The following FGD3 variants were observed in gnomAD, a reference collection of about 807,000 sequenced individuals.
FGD3 encodes FYVE, RhoGEF and PH domain-containing protein 3.
FGD3 carries 45 observed loss-of-function variants against 71.8 expected under a neutral mutation model. That is an observed-to-expected ratio of 0.63 (90% CI 0.49 to 0.80). FGD3 has a LOEUF of 0.80. Among genes scored for constraint, FGD3 ranks in the 30% least tolerant of loss-of-function variants. The pLI, the probability that FGD3 is intolerant of heterozygous loss-of-function variation, is 0.00. For missense variants in FGD3, 844 were observed against 951.5 expected, an observed-to-expected ratio of 0.89 and a Z score of 1.49; for synonymous variants, 378 against 392.8, an observed-to-expected ratio of 0.96 and a Z score of 0.44.
At chr9:92,958,570 G>C (rs1859108210) in intron 1 of FGD3, among the ~76,000 whole-genome samples, 1 of 152,212 alleles carries the variant, frequency 6.6e-6, no homozygotes, top group African/African-American at 2.4e-5. Flanking sequence ...TTTTCAGGTT[G>C]AAGAAGTTGT....
chr9:92,989,903 T>C (rs2118641404), intron 3 of FGD3, among the ~76,000 whole-genome samples: 1 of 150,088 alleles, frequency 6.7e-6, no homozygotes, highest in East Asian at 2.0e-4. Flanking sequence ...TTTTTTTCCT[T>C]TCACACCTTG....
chr9:93,019,780 T>C (rs1861843552), intron 11 of FGD3, 51 bp from the exon 12 acceptor site: 1 of 1,572,468 alleles, frequency 6.4e-7, no homozygotes, highest in Non-Finnish European at 8.8e-7. Context: ...GCTGGTCATT[T>C]AGAGTCAGTA....
intron 15 of FGD3, among the ~76,000 whole-genome samples, chr9:93,031,533 C>T (rs978456129): frequency 3.9e-5 from 6 of 152,112 alleles, no homozygotes; most frequent in Admixed American, 6.5e-5. Context: ...CTTCCTCACA[C>T]AAGAAGTGAT....
intron 1 of FGD3, among the ~76,000 whole-genome samples, chr9:92,956,531 T>A (rs575259808): frequency 2.0e-5 from 3 of 152,274 alleles, no homozygotes; most frequent in Admixed American, 2.0e-4. Context: ...GACAACCACG[T>A]GAGGACACAA....
chr9:92,960,902 C>G (rs1036834100), intron 1 of FGD3, among the ~76,000 whole-genome samples: 1 of 151,776 alleles, frequency 6.6e-6, no homozygotes, highest in Non-Finnish European at 1.5e-5. Flanking sequence ...GGTGGGTGGG[C>G]CCTCCACCCA....
At chr9:93,017,264 C>T (rs547794347) in intron 10 of FGD3, among the ~76,000 whole-genome samples, 5 of 152,016 alleles carry the variant, frequency 3.3e-5, no homozygotes, top group Middle Eastern at 3.4e-3. Context: ...AGGACAAGAC[C>T]CTGTCTCAAA....
At chr9:93,007,625 A>C (rs1336312756) in intron 6 of FGD3, among the ~76,000 whole-genome samples, 1 of 152,150 alleles carries the variant, frequency 6.6e-6, no homozygotes, top group Non-Finnish European at 1.5e-5. Context: ...CATGTCCTGG[A>C]TGACATCTGC....
At chr9:92,981,064 T>C (rs1302408023) in intron 3 of FGD3, among the ~76,000 whole-genome samples, 1 of 151,310 alleles carries the variant, frequency 6.6e-6, no homozygotes, top group African/African-American at 2.4e-5. Flanking sequence ...TTTCATTCCA[T>C]TGTGATTGAA....
intron 2 of FGD3, 38 bp from the exon 3 acceptor site, chr9:92,976,170 C>T: frequency 7.8e-7 from 1 of 1,287,340 alleles, no homozygotes; most frequent in Non-Finnish European, 1.1e-6. Context: ...TGGTCCATGC[C>T]TGGCTAGCAC....
chr9:92,989,369 G>T (rs934511027), intron 3 of FGD3, among the ~76,000 whole-genome samples: 1 of 151,916 alleles, frequency 6.6e-6, no homozygotes, highest in South Asian at 2.1e-4. Flanking sequence ...CTCTTCATCC[G>T]CCCACCTTGG....
At chr9:92,962,939 CAAAAAAA>C (rs982916623) in intron 1 of FGD3, among the ~76,000 whole-genome samples, 1 of 106,028 alleles carries the variant, frequency 9.4e-6, no homozygotes, top group Non-Finnish European at 2.0e-5. Context: ...GGCTCCGTCT[CAAAAAAA>C]AAAAAAAAAA....
intron 3 of FGD3, among the ~76,000 whole-genome samples, chr9:92,995,451 T>C (rs112830564): frequency 6.6e-6 from 1 of 152,230 alleles, no homozygotes; most frequent in African/African-American, 2.4e-5. Context: ...CTTTTCCTAA[T>C]TGAATATGCT....
intron 16 of FGD3, chr9:93,033,120 G>A (rs967901071): frequency 3.5e-6 from 2 of 564,864 alleles, no homozygotes; most frequent in African/African-American, 3.7e-5. Context: ...GGAGTTAGAT[G>A]GGAACAAGTG....
intron 2 of FGD3, 131 bp from the exon 3 acceptor site, chr9:92,976,077 C>G: frequency 3.4e-6 from 2 of 584,470 alleles, no homozygotes; most frequent in Non-Finnish European, 3.0e-6. Context: ...ACACACAACC[C>G]CCAGCCCACC....
In FGD3 at chr9:93,006,073, C is replaced by G. The variant is rs768764422; in HGVS notation, c.730C>G (p.Leu244Val). Residue 244 changes from leucine (L) to valine (V), a missense_variant, in exon 6 of 18, where the codon CTG becomes GTG. By Grantham distance (32) the Leu-to-Val change is conservative (BLOSUM62 1). Coordinates refer to ENST00000375482, the MANE Select transcript of FGD3 (RefSeq NM_001083536.2). Reference protein sequence around the residue: ...GDILQKLAPFLKMYGEYVKNF... With the variant: ...GDILQKLAPFVKMYGEYVKNF... Reference sequence around the variant, plus strand: ...CATCCTGCAGAAGCTGGCCCCATTCCTGAAGATGTACGGCGAGTATGTCAA... The same window carrying G: ...CATCCTGCAGAAGCTGGCCCCATTCGTGAAGATGTACGGCGAGTATGTCAA... 4 of 1,613,038 alleles carry G rather than the reference C, an allele frequency of 2.5e-6. No homozygotes were observed. The African/African-American group carries it at 5.3e-5, about 22-fold the overall frequency.
At chr9:93,030,043 C>T in intron 15 of FGD3, 47 bp downstream of exon 15, 2 of 1,595,746 alleles carry the variant, frequency 1.3e-6, no homozygotes, top group Non-Finnish European at 1.7e-6. Flanking sequence ...ACCCTGTCCT[C>T]TGCTCTGACA....
At chr9:93,023,152 C>A (rs2118801232) in intron 14 of FGD3, among the ~76,000 whole-genome samples, 1 of 152,356 alleles carries the variant, frequency 6.6e-6, no homozygotes, top group Non-Finnish European at 1.5e-5. Context: ...GAGGGTGATT[C>A]TCCAGGTGCC....
At chr9:93,033,538 C>T (rs1040405582) in intron 16 of FGD3, 2 of 159,360 alleles carry the variant, frequency 1.3e-5, no homozygotes, top group Non-Finnish European at 2.8e-5. Context: ...TCTTTTCCTC[C>T]TCCACTCCTC....
In FGD3 at chr9:92,989,280, A is replaced by G. The variant is rs563328046; in HGVS notation, c.453+12571A>G. 4.0e-5 allele frequency among the ~76,000 whole-genome samples: 6 copies of G among 151,822 alleles called. No individual in the cohort carries two copies. In the East Asian group the frequency reaches 1.2e-3, roughly 29 times the overall value. The stretch of plus-strand genomic sequence containing the variant: ...TAGCCAGGATGGTCTTGATCTCCTG[A>G]CCTCGAGATCCACCCGCCTCAGCCT... On this transcript the variant is annotated intron_variant, in intron 3 of 17. Coordinates refer to ENST00000375482, the MANE Select transcript of FGD3 (RefSeq NM_001083536.2).
Sources: gnomAD v4.1 joint callset for allele counts (sites outside exome capture counted in the v4.1 genomes callset) on GRCh38, gnomAD v4.1.1 for gene constraint, MANE v1.5 for transcripts, NCBI Gene and HGNC (gene_info 2026-07-23, HGNC 2026-07-21) for gene names.